Variants in JARID2 observed in about 807,000 individuals in gnomAD.
JARID2 encodes the protein jumonji and AT-rich interaction domain containing 2.
In JARID2, 21 loss-of-function variants were observed where a neutral mutation model predicts 125.6. The observed-to-expected ratio is 0.17, with a 90% CI of 0.12 to 0.24. The LOEUF (loss-of-function observed/expected upper bound fraction) is 0.24, where lower values mean the gene tolerates loss of function less well. Among genes scored for constraint, JARID2 ranks in the 10% least tolerant of loss-of-function variants. The pLI is 1.00. For missense variants in JARID2, 1,303 were observed against 1,639.6 expected (o/e 0.79, Z 3.55); for synonymous variants, 736 against 661.6 (o/e 1.11, Z -1.73).
At chr6:15,252,361 C>A (rs1759490817) in intron 1 of JARID2, among the ~76,000 whole-genome samples, 1 of 152,088 alleles carries the variant, frequency 6.6e-6, no homozygotes, top group African/African-American at 2.4e-5. Context: ...CATTAACTAA[C>A]CAACTTCTGG....
chr6:15,385,678 A>G (rs1261238486), intron 2 of JARID2, among the ~76,000 whole-genome samples: 1 of 152,050 alleles, frequency 6.6e-6, no homozygotes, highest in Non-Finnish European at 1.5e-5. Context: ...GTGAATGAGC[A>G]TGCAGACGGC....
chr6:15,296,372 G>A (rs1047045448), intron 1 of JARID2, among the ~76,000 whole-genome samples: 5 of 152,064 alleles, frequency 3.3e-5, no homozygotes, highest in Admixed American at 1.3e-4. Context: ...AGAGCTCCTG[G>A]TGGCATTTAT....
At chr6:15,254,509 A>T (rs867105834) in intron 1 of JARID2, among the ~76,000 whole-genome samples, 4 of 152,164 alleles carry the variant, frequency 2.6e-5, no homozygotes, top group Non-Finnish European at 5.9e-5. Context: ...ATTATACATG[A>T]TTACTTACAT....
chr6:15,501,896 CATCCTGG>C (rs1457358048), intron 8 of JARID2, among the ~76,000 whole-genome samples: 1 of 152,238 alleles, frequency 6.6e-6, no homozygotes, highest in Non-Finnish European at 1.5e-5. Flanking sequence ...AGTTCCGTTT[CATCCTGG>C]TGCTCGACAG....
intron 3 of JARID2, among the ~76,000 whole-genome samples, chr6:15,434,168 G>A (rs536812274): frequency 9.9e-5 from 15 of 151,558 alleles, no homozygotes; most frequent in African/African-American, 2.9e-4. Context: ...TTTTTTAAAC[G>A]AAGTTTTGTT....
chr6:15,427,258 C>T (rs192662770), intron 3 of JARID2, among the ~76,000 whole-genome samples: 29 of 152,254 alleles, frequency 1.9e-4, no homozygotes, highest in Non-Finnish European at 3.4e-4. Context: ...CTGGACCTGC[C>T]GCAGAATATT....
chr6:15,512,146 T>G, intron 13 of JARID2, 62 bp from the exon 14 acceptor site: 1 of 1,487,884 alleles, frequency 6.7e-7, no homozygotes, highest in East Asian at 2.3e-5. Context: ...ATACGTCACC[T>G]GAAGACTGCA....
At chr6:15,368,815 ATC>A in intron 1 of JARID2, 1 of 447,564 alleles carries the variant, frequency 2.2e-6, no homozygotes, top group Middle Eastern at 3.3e-4. Flanking sequence ...TGGAGGTTTC[ATC>A]TTTTCTTTCT....
chr6:15,358,261 G>C (rs1185922961), intron 1 of JARID2, among the ~76,000 whole-genome samples: 1 of 152,174 alleles, frequency 6.6e-6, no homozygotes, highest in African/African-American at 2.4e-5. Flanking sequence ...TTTAATGTTA[G>C]TAGGAAGAAA....
intron 3 of JARID2, among the ~76,000 whole-genome samples, chr6:15,418,414 C>G (rs1766333903): frequency 6.6e-6 from 1 of 152,096 alleles, no homozygotes. Flanking sequence ...GACGGTTTCA[C>G]CATGTTGGCC....
At chr6:15,481,039 T>C (rs1294799251) in intron 5 of JARID2, among the ~76,000 whole-genome samples, 2 of 152,226 alleles carry the variant, frequency 1.3e-5, no homozygotes, top group African/African-American at 4.8e-5. Flanking sequence ...GTTACAGGAT[T>C]GCTATTAAAT....
intron 3 of JARID2, among the ~76,000 whole-genome samples, chr6:15,441,170 C>T (rs1469529041): frequency 6.6e-6 from 1 of 152,186 alleles, no homozygotes; most frequent in African/African-American, 2.4e-5. Context: ...TGTTTTATCT[C>T]TAGCCATGTT....
intron 1 of JARID2, among the ~76,000 whole-genome samples, chr6:15,347,202 A>C (rs1397048870): frequency 1.3e-5 from 2 of 152,264 alleles, no homozygotes; most frequent in Non-Finnish European, 2.9e-5. Context: ...GAATTTAGCT[A>C]TAATTTATGG....
At chr6:15,468,465 G>A (rs1035217432) in intron 4 of JARID2, 77 bp from the exon 5 acceptor site, 99 of 1,320,436 alleles carry the variant, frequency 7.5e-5, no homozygotes, top group Non-Finnish European at 8.8e-5. Flanking sequence ...CCTCGGTTTT[G>A]TTTCATTGTG....
intron 1 of JARID2, among the ~76,000 whole-genome samples, chr6:15,255,051 C>T: frequency 6.7e-6 from 1 of 149,992 alleles, no homozygotes; most frequent in Admixed American, 6.6e-5. Flanking sequence ...CAAAAACACA[C>T]AAAAACAACC....
At chr6:15,290,972 G>A (rs1581376227) in intron 1 of JARID2, among the ~76,000 whole-genome samples, 4 of 116,340 alleles carry the variant, frequency 3.4e-5, no homozygotes, top group African/African-American at 1.2e-4. Context: ...CAGGTGCTGT[G>A]TGTAAGCCCA....
chr6:15,315,484 G>A (rs191013691), intron 1 of JARID2, among the ~76,000 whole-genome samples: 53 of 152,320 alleles, frequency 3.5e-4, no homozygotes, highest in African/African-American at 1.3e-3. Flanking sequence ...GAATCATAGT[G>A]CAGTCAGTAC....
chr6:15,521,988 T>G lies in JARID2; in HGVS notation c.*1737T>G, dbSNP rs1771881564. The stretch of plus-strand genomic sequence containing the variant: ...TTTTGTTTACTTTTCAGGTTTGTAC[T>G]ACAAGGTTTAATAATAAAAACAAAG... On this transcript the variant is annotated 3_prime_UTR_variant, in exon 18 of 18. Coordinates refer to ENST00000341776, the MANE Select transcript of JARID2 (RefSeq NM_004973.4). The G allele has an allele frequency of 6.6e-6, 1 of 152,258 alleles. No homozygotes were observed. Among genetic ancestry groups the G allele is most frequent in the Admixed American group, 6.5e-5 (1 of 15,286 alleles). The allele number at this position is 152,258 out of a possible 1,614,324, so 9.4% of individuals were successfully genotyped here.
At chr6:15,259,979 A>G (rs1248745899) in intron 1 of JARID2, among the ~76,000 whole-genome samples, 1 of 152,178 alleles carries the variant, frequency 6.6e-6, no homozygotes, top group Non-Finnish European at 1.5e-5. Context: ...TGGGCCTGGC[A>G]GTGTTTTTGC....
Sources: allele counts gnomAD v4.1 joint callset (sites outside exome capture counted in the v4.1 genomes callset), GRCh38; gene constraint gnomAD v4.1.1; transcripts MANE v1.5; gene names NCBI Gene and HGNC (gene_info 2026-07-23, HGNC 2026-07-21).